The following WWOX variants were observed in gnomAD, a reference collection of about 807,000 sequenced individuals.
WWOX encodes the protein WW domain-containing oxidoreductase.
A neutral mutation model predicts 46.2 loss-of-function variants in WWOX; 69 were observed. The ratio of observed to expected loss-of-function variants is 1.49; its 90% CI spans 1.23 to 1.82. WWOX has a LOEUF of 1.82. Among genes scored for constraint, WWOX ranks in the 40% most tolerant of loss-of-function variants. The pLI is 0.00. For missense variants in WWOX, 919 were observed against 542.6 expected (o/e 1.69, Z -6.89); for synonymous variants, 359 against 202.6 (o/e 1.77, Z -6.56).
rs78099337 is a variant in WWOX, at chr16:79,210,929, C to A, written c.1057-679C>A. Among the ~76,000 whole-genome samples, 62 of 152,010 alleles carry A rather than the reference C, an allele frequency of 4.1e-4. No homozygotes were observed. In the East Asian group the frequency reaches 0.012, roughly 29 times the overall value. On this transcript the variant is annotated intron_variant, in intron 8 of 8. Coordinates refer to ENST00000566780, the MANE Select transcript of WWOX (RefSeq NM_016373.4). ...GAAATGTACCCCCTTACCTGTGGTC[C>A]CATTGTAAATCTGGGTCAAATATGA...
At chr16:78,881,577 C>T (rs1413990686) in intron 8 of WWOX, among the ~76,000 whole-genome samples, 1 of 152,144 alleles carries the variant, frequency 6.6e-6, no homozygotes, top group East Asian at 1.9e-4. Context: ...TGCTGTCTAG[C>T]TTTAAGATCA....
chr16:78,573,783 C>T (rs1384761425), intron 8 of WWOX, among the ~76,000 whole-genome samples: 2 of 152,372 alleles, frequency 1.3e-5, no homozygotes, highest in African/African-American at 4.8e-5. Context: ...TCGATCTCCA[C>T]TTGAACACAC....
At chr16:78,933,940 C>T (rs879783870) in intron 8 of WWOX, among the ~76,000 whole-genome samples, 5 of 151,968 alleles carry the variant, frequency 3.3e-5, no homozygotes, top group Non-Finnish European at 7.4e-5. Flanking sequence ...ACCTGTAATC[C>T]CAGTGCTTTG....
intron 8 of WWOX, among the ~76,000 whole-genome samples, chr16:78,922,073 A>G (rs2045391842): frequency 1.3e-5 from 2 of 152,188 alleles, no homozygotes; most frequent in Admixed American, 6.5e-5. Flanking sequence ...GAATATTGTC[A>G]GACAGAGAAA....
chr16:79,081,372 C>T (rs558228366), intron 8 of WWOX, among the ~76,000 whole-genome samples: 60 of 152,252 alleles, frequency 3.9e-4, no homozygotes, highest in African/African-American at 1.4e-3. Context: ...CCGTGTTGGC[C>T]AGGCTGGTCT....
At chr16:78,789,100 T>A (rs2050529334) in intron 8 of WWOX, among the ~76,000 whole-genome samples, 1 of 152,172 alleles carries the variant, frequency 6.6e-6, no homozygotes, top group Non-Finnish European at 1.5e-5. Context: ...GAATCCATTG[T>A]CAAATCCAAG....
intron 8 of WWOX, 125 bp from the exon 9 acceptor site, chr16:79,211,483 T>C: frequency 8.0e-7 from 1 of 1,246,712 alleles, no homozygotes; most frequent in Non-Finnish European, 1.1e-6. Flanking sequence ...CCCTTTGCTA[T>C]GCCAAGATCC....
intron 8 of WWOX, among the ~76,000 whole-genome samples, chr16:78,973,524 C>A (rs745884244): frequency 2.6e-5 from 4 of 152,120 alleles, no homozygotes; most frequent in Non-Finnish European, 4.4e-5. Context: ...ACGAAGCCTC[C>A]CTTTATTTAT....
At chr16:79,102,635 A>G (rs1199687707) in intron 8 of WWOX, among the ~76,000 whole-genome samples, 1 of 152,136 alleles carries the variant, frequency 6.6e-6, no homozygotes, top group Non-Finnish European at 1.5e-5. Context: ...CAAGAAACAT[A>G]TATACAGTGC....
chr16:78,968,086 A>T (rs542641639), intron 8 of WWOX, among the ~76,000 whole-genome samples: 1 of 149,330 alleles, frequency 6.7e-6, no homozygotes, highest in Non-Finnish European at 1.5e-5. Context: ...GGCACAGTGC[A>T]TGGTCCGCAT....
intron 8 of WWOX, among the ~76,000 whole-genome samples, chr16:78,656,355 A>T (rs573002743): frequency 6.6e-6 from 1 of 152,018 alleles, no homozygotes; most frequent in East Asian, 1.9e-4. Context: ...TCTCACATTG[A>T]TGTAAAGGAC....
chr16:79,141,984 G>C (rs541586842), intron 8 of WWOX, among the ~76,000 whole-genome samples: 2 of 152,320 alleles, frequency 1.3e-5, no homozygotes, highest in African/African-American at 4.8e-5. Context: ...ATGTCTACAC[G>C]GTGTTCTCCA....
intron 8 of WWOX, among the ~76,000 whole-genome samples, chr16:79,018,080 G>A (rs564532006): frequency 3.3e-5 from 5 of 152,302 alleles, no homozygotes; most frequent in South Asian, 2.1e-4. Context: ...AGAGTTTCTC[G>A]GACCTATGAG....
At chr16:78,200,966 T>C (rs2036212150) in intron 5 of WWOX, among the ~76,000 whole-genome samples, 1 of 152,234 alleles carries the variant, frequency 6.6e-6, no homozygotes, top group Non-Finnish European at 1.5e-5. Flanking sequence ...AAACATTTAC[T>C]TCTGCCTTTT....
Position 79,064,031 on chromosome 16 carries a change from A to G in WWOX, c.1057-147577A>G, listed in dbSNP as rs147106250. Among the ~76,000 whole-genome samples the G allele has an allele frequency of 3.4e-3, 516 of 152,358 alleles. 6 individuals are homozygous for G. Among genetic ancestry groups the G allele is most frequent in the Middle Eastern group, 0.014 (4 of 294 alleles). Reference sequence around the variant, plus strand: ...ACAAGTTGCCAAATATTTGTATTTTAGAAGCCTCAGAAGTGTGCACAATTT... The same window carrying G: ...ACAAGTTGCCAAATATTTGTATTTTGGAAGCCTCAGAAGTGTGCACAATTT... On this transcript the variant is annotated intron_variant, in intron 8 of 8. Transcript: ENST00000566780.
chr16:79,119,735 G>C (rs1442306235), intron 8 of WWOX, among the ~76,000 whole-genome samples: 3 of 152,188 alleles, frequency 2.0e-5, no homozygotes, highest in Non-Finnish European at 4.4e-5. Context: ...TGTTTGGTTT[G>C]AATCATGATG....
chr16:78,999,920 C>T (rs2047061366), intron 8 of WWOX, among the ~76,000 whole-genome samples: 3 of 152,136 alleles, frequency 2.0e-5, no homozygotes, highest in South Asian at 4.1e-4. Flanking sequence ...AATTCTACGT[C>T]ATGAGAAAGC....
At chr16:78,867,171 C>G (rs16948642) in intron 8 of WWOX, among the ~76,000 whole-genome samples, 12,313 of 152,122 alleles carry the variant, frequency 0.081, 585 homozygotes, top group Admixed American at 0.15. Context: ...GAAGATGAGA[C>G]AGACAAAACT....
chr16:79,084,491 G>A (rs1029430668), intron 8 of WWOX, among the ~76,000 whole-genome samples: 3 of 152,082 alleles, frequency 2.0e-5, no homozygotes, highest in Non-Finnish European at 4.4e-5. Context: ...TACAGTCTCG[G>A]CTCACTGCAA....
Sources: gnomAD v4.1 joint callset for allele counts (sites outside exome capture counted in the v4.1 genomes callset) on GRCh38, gnomAD v4.1.1 for gene constraint, MANE v1.5 for transcripts, NCBI Gene and HGNC (gene_info 2026-07-23, HGNC 2026-07-21) for gene names.